AFF4: variants seen among roughly 807,000 people sequenced by gnomAD.
AFF4 encodes the protein AF4/FMR2 family member 4.
Under a neutral mutation model 124.8 loss-of-function variants are expected in AFF4, and 13 were observed. That is an observed-to-expected ratio of 0.10 (90% CI 0.07 to 0.17). The LOEUF (loss-of-function observed/expected upper bound fraction) is 0.17, where lower values mean the gene tolerates loss of function less well. Among genes scored for constraint, AFF4 ranks in the 10% least tolerant of loss-of-function variants. The pLI, the probability that AFF4 is intolerant of heterozygous loss-of-function variation, is 1.00. For synonymous variants in AFF4, 477 were observed against 496.1 expected, an observed-to-expected ratio of 0.96 and a Z score of 0.51; for missense variants, 1,092 against 1,403.8, an observed-to-expected ratio of 0.78 and a Z score of 3.55.
chr5:132,958,726 C>T (rs978781017), intron 1 of AFF4, among the ~76,000 whole-genome samples: 2 of 152,106 alleles, frequency 1.3e-5, no homozygotes, highest in Non-Finnish European at 2.9e-5. Context: ...ACTCATCTCT[C>T]CATAAAACTG....
At chr5:132,912,374 T>G (rs1405204858) in intron 5 of AFF4, among the ~76,000 whole-genome samples, 2 of 152,004 alleles carry the variant, frequency 1.3e-5, no homozygotes, top group Non-Finnish European at 2.9e-5. Context: ...CTGTGTTTAC[T>G]TATTTTGAGA....
At chr5:132,922,459 C>T (rs2150089859) in intron 5 of AFF4, among the ~76,000 whole-genome samples, 1 of 152,106 alleles carries the variant, frequency 6.6e-6, no homozygotes, top group East Asian at 1.9e-4. Context: ...GATTTATACA[C>T]AAATATTCAC....
Position 132,926,849 on chromosome 5 carries a change from C to G in AFF4, c.1050+272G>C, listed in dbSNP as rs183883427. On this transcript the variant is annotated intron_variant, in intron 5 of 20. Coordinates refer to ENST00000265343, the MANE Select transcript of AFF4 (RefSeq NM_014423.4). ...TGCTGGGATTACAGGAGTGAGCCAC[C>G]GTGTCCGGCTGTATTAATGTCTTTT... is the stretch of plus-strand genomic sequence containing the variant. The G allele has an allele frequency of 2.5e-4, 70 of 277,712 alleles. No individual in the cohort carries two copies. The East Asian group carries it at 6.8e-3, about 27-fold the overall frequency. The allele number at this position is 277,712 out of a possible 1,614,324, so 17.2% of individuals were successfully genotyped here. A position where few individuals can be genotyped will look rare whatever the true frequency, so the allele number is the denominator to read the frequency against.
At position 132,880,465 on chromosome 5, in the gene AFF4, G is replaced by A; in HGVS notation, c.*594C>T. ...TTAAGTGATTTTTTCATGTGTAGAA[G>A]AATATCCTTAATACTAACTGTAAAT... On this transcript the variant is annotated 3_prime_UTR_variant, in exon 21 of 21. Transcript: ENST00000265343. 2.5e-6 allele frequency: 1 copy of A among 397,446 alleles called. No homozygotes were observed. The highest frequency in any genetic ancestry group is 3.6e-5 in the East Asian group (1 of 27,954). 24.6% of individuals were successfully genotyped at this position (397,446 alleles called of 1,614,324 possible).
At chr5:132,895,494 T>C (rs1319055437) in intron 11 of AFF4, among the ~76,000 whole-genome samples, 1 of 152,218 alleles carries the variant, frequency 6.6e-6, no homozygotes. Flanking sequence ...GGTAAGGCCA[T>C]TCTGGTACCT....
chr5:132,912,777 G>A (rs189392505), intron 5 of AFF4, among the ~76,000 whole-genome samples: 87 of 151,968 alleles, frequency 5.7e-4, no homozygotes, highest in African/African-American at 2.1e-3. Context: ...AGAAATGCAA[G>A]TATAATGACA....
chr5:132,947,758 T>TC (rs1761734483), intron 1 of AFF4, among the ~76,000 whole-genome samples: 1 of 152,164 alleles, frequency 6.6e-6, no homozygotes, highest in African/African-American at 2.4e-5. Flanking sequence ...CATGAGACAG[T>TC]CTGAAGAGGT....
intron 4 of AFF4, 39 bp downstream of exon 4, chr5:132,932,139 A>T (rs1441608695): frequency 2.0e-6 from 3 of 1,514,868 alleles, no homozygotes; most frequent in African/African-American, 1.4e-5. Flanking sequence ...GAGCATAAAA[A>T]ATTAAAGAAA....
chr5:132,888,213 A>T (rs1760165172), intron 14 of AFF4, 53 bp from the exon 15 acceptor site: 2 of 1,339,136 alleles, frequency 1.5e-6, no homozygotes, highest in East Asian at 5.1e-5. Context: ...TCATAATACT[A>T]GTTCATTTCA....
chr5:132,893,205 GA>G (rs1437184437), intron 11 of AFF4, 87 bp from the exon 12 acceptor site: 2 of 1,015,510 alleles, frequency 2.0e-6, no homozygotes, highest in Admixed American at 3.7e-5. Flanking sequence ...GTTTATCCAT[GA>G]TTAGGCATCA....
intron 1 of AFF4, among the ~76,000 whole-genome samples, chr5:132,941,934 G>A (rs1420419480): frequency 2.0e-5 from 3 of 151,368 alleles, no homozygotes; most frequent in Non-Finnish European, 4.4e-5. Context: ...TTGAACCCAG[G>A]AGGCAGAGGT....
At chr5:132,882,995 C>T (rs1760024039) in intron 20 of AFF4, among the ~76,000 whole-genome samples, 1 of 151,966 alleles carries the variant, frequency 6.6e-6, no homozygotes, top group Admixed American at 6.6e-5. Context: ...TGGATGTAAT[C>T]TTATGCCTAT....
intron 5 of AFF4, among the ~76,000 whole-genome samples, chr5:132,910,684 C>A (rs558131209): frequency 6.6e-6 from 1 of 152,326 alleles, no homozygotes; most frequent in Admixed American, 6.5e-5. Context: ...AGGTGTCTCA[C>A]AAACACCAAA....
At chr5:132,956,450 G>C (rs1761959061) in intron 1 of AFF4, among the ~76,000 whole-genome samples, 1 of 151,940 alleles carries the variant, frequency 6.6e-6, no homozygotes, top group Admixed American at 6.6e-5. Context: ...GGCCAACCTG[G>C]CAAAACCCCA....
rs1759826553 is a variant in AFF4, at chr5:132,875,918, A to G, written c.*5141T>C. 4.4e-6 allele frequency: 1 copy of G among 226,838 alleles called. No individual in the cohort carries two copies. Among genetic ancestry groups the G allele is most frequent in the South Asian group, 1.8e-4 (1 of 5,488 alleles). The allele number at this position is 226,838 out of a possible 1,614,324, so 14.1% of individuals were successfully genotyped here. ...TCAGTCACTAACAGTACCTTTCTGC[A>G]AAATCAACAGGCTTTTAATTTATCA... On this transcript the variant is annotated 3_prime_UTR_variant, in exon 21 of 21. Coordinates refer to ENST00000265343, the MANE Select transcript of AFF4 (RefSeq NM_014423.4).
rs1001039096 is a variant in AFF4 at position 132,884,963 on chromosome 5, G to C, written c.3143+113C>G. On this transcript the variant is annotated intron_variant, in intron 19 of 20. Transcript: ENST00000265343. Reference sequence around the variant, plus strand: ...TATAACTTCTAAAAATATTTTATCAGAGATGGTTTTACTTATTTAAAAAGT... The same window carrying C: ...TATAACTTCTAAAAATATTTTATCACAGATGGTTTTACTTATTTAAAAAGT... 5.2e-5 allele frequency: 33 copies of C among 635,900 alleles called. No homozygotes were observed. In the African/African-American group the frequency reaches 6.3e-4, roughly 12 times the overall value. 39.4% of individuals were successfully genotyped at this position (635,900 alleles called of 1,614,324 possible). A position where few individuals can be genotyped will look rare whatever the true frequency, so the allele number is the denominator to read the frequency against.
At chr5:132,892,887 A>G in intron 12 of AFF4, 143 bp downstream of exon 12, 1 of 708,340 alleles carries the variant, frequency 1.4e-6, no homozygotes. Context: ...GAAAGCTCCC[A>G]CTATTTGGCA....
chr5:132,883,892 A>G (rs904445829), intron 19 of AFF4, among the ~76,000 whole-genome samples: 3 of 152,242 alleles, frequency 2.0e-5, no homozygotes, highest in Non-Finnish European at 4.4e-5. Context: ...CTGTTCGGGC[A>G]TATAATTACA....
At chr5:132,882,328 A>G (rs1488012809) in intron 20 of AFF4, among the ~76,000 whole-genome samples, 2 of 152,132 alleles carry the variant, frequency 1.3e-5, no homozygotes, top group African/African-American at 2.4e-5. Context: ...AAGTATTTAA[A>G]TGTACTCTGT....
Sources: gnomAD v4.1 joint callset for allele counts (sites outside exome capture counted in the v4.1 genomes callset) on GRCh38, gnomAD v4.1.1 for gene constraint, MANE v1.5 for transcripts, NCBI Gene and HGNC (gene_info 2026-07-23, HGNC 2026-07-21) for gene names.